TSPAN11: variants seen among roughly 807,000 people sequenced by gnomAD.
TSPAN11 encodes the protein tetraspanin 11.
Under a neutral mutation model 32.9 loss-of-function variants are expected in TSPAN11, and 29 were observed. That is an observed-to-expected ratio of 0.88 (90% CI 0.66 to 1.20). The LOEUF (loss-of-function observed/expected upper bound fraction) is 1.20, where lower values mean the gene tolerates loss of function less well. TSPAN11 is among the 50% of genes most tolerant of loss of function. The probability of loss-of-function intolerance (pLI) is 0.00; values close to 1 mark genes in which losing one functional copy is unlikely to be tolerated. For missense variants in TSPAN11, 283 were observed against 329.1 expected (o/e 0.86, Z 1.08); for synonymous variants, 140 against 141.3 (o/e 0.99, Z 0.07).
chr12:30,928,087 A>G (rs1937839650), intron 1 of TSPAN11, among the ~76,000 whole-genome samples: 1 of 152,184 alleles, frequency 6.6e-6, no homozygotes, highest in Admixed American at 6.5e-5. Context: ...TATATTCAGC[A>G]TAGCAGGAAT....
At chr12:30,968,595 C>T (rs1355153061) in intron 3 of TSPAN11, among the ~76,000 whole-genome samples, 2 of 152,134 alleles carry the variant, frequency 1.3e-5, no homozygotes, top group Non-Finnish European at 2.9e-5. Context: ...AGAACAGAGG[C>T]CACCTAGATC....
downstream of TSPAN11, among the ~76,000 whole-genome samples, chr12:31,000,472 T>C (rs937523938): frequency 2.0e-5 from 3 of 152,252 alleles, no homozygotes; most frequent in African/African-American, 7.2e-5. Context: ...GACGCCTCTA[T>C]ACGCATGCTT....
At chr12:30,991,306 C>T (rs1939308229) in intron 7 of TSPAN11, among the ~76,000 whole-genome samples, 1 of 152,214 alleles carries the variant, frequency 6.6e-6, no homozygotes, top group African/African-American at 2.4e-5. Flanking sequence ...TCCCCCATGG[C>T]TCCTGTACAC....
intron 3 of TSPAN11, among the ~76,000 whole-genome samples, chr12:30,966,651 G>A (rs1164411301): frequency 6.6e-6 from 1 of 152,248 alleles, no homozygotes; most frequent in Non-Finnish European, 1.5e-5. Flanking sequence ...CAAGCCTGAT[G>A]GGAGGCAGAG....
the TSPAN11 span, among the ~76,000 whole-genome samples, chr12:31,013,248 G>A: frequency 6.6e-6 from 1 of 152,128 alleles, no homozygotes; most frequent in Non-Finnish European, 1.5e-5. Flanking sequence ...GTCAGGAAAA[G>A]CCTCTTAGCA....
chr12:30,941,815 A>C (rs1938170602), intron 1 of TSPAN11, among the ~76,000 whole-genome samples: 1 of 152,220 alleles, frequency 6.6e-6, no homozygotes, highest in African/African-American at 2.4e-5. Context: ...CAACCCCACC[A>C]AGGGTTCTCC....
At position 30,983,135 on chromosome 12, in the gene TSPAN11, G is replaced by A. The variant is rs1939129751; in HGVS notation, c.687G>A (p.Gly229=). 6.2e-7 allele frequency: 1 copy of A among 1,612,674 alleles called. No individual in the cohort carries two copies. The highest frequency in any genetic ancestry group is 8.5e-7 in the Non-Finnish European group (1 of 1,179,798). ...HLLLMGAVGI[G]VACLQICGMV... ...TGCTTATGGGGGCAGTGGGCATCGG[G>A]GTGGCCTGCCTGCAGGTGAGTTGCA... Residue 229 remains glycine (G), a synonymous_variant, in exon 7 of 8, where the codon GGG becomes GGA. Coordinates refer to ENST00000546076, the MANE Select transcript of TSPAN11 (RefSeq NM_001370302.1).
At chr12:30,998,166 T>C (rs1434829622), downstream of TSPAN11, among the ~76,000 whole-genome samples, 5 of 152,250 alleles carry the variant, frequency 3.3e-5, no homozygotes, top group Non-Finnish European at 4.4e-5. Flanking sequence ...CTCCAGGCCC[T>C]TTCCTGCTGC....
At chr12:31,008,629 T>C in the TSPAN11 span, among the ~76,000 whole-genome samples, 1 of 152,226 alleles carries the variant, frequency 6.6e-6, no homozygotes, top group East Asian at 1.9e-4. Flanking sequence ...AGCATCTGGC[T>C]AGACAGGCTC....
chr12:30,959,477 A>AAGGCTT (rs1938565411), intron 2 of TSPAN11, among the ~76,000 whole-genome samples: 2 of 152,002 alleles, frequency 1.3e-5, no homozygotes, highest in South Asian at 4.2e-4. Flanking sequence ...CAGTAAACAG[A>AAGGCTT]AGGCTTGGAC....
intron 1 of TSPAN11, among the ~76,000 whole-genome samples, chr12:30,932,370 A>G (rs1405830186): frequency 1.3e-5 from 2 of 152,192 alleles, no homozygotes; most frequent in Admixed American, 1.3e-4. Flanking sequence ...AGAATCACCA[A>G]ACTACACAAT....
intron 7 of TSPAN11, among the ~76,000 whole-genome samples, chr12:30,989,172 G>GGTAA (rs1156565388): frequency 1.3e-5 from 2 of 152,224 alleles, no homozygotes; most frequent in Non-Finnish European, 2.9e-5. Flanking sequence ...GAAGGGGACA[G>GGTAA]GTAAGTGTAT....
At position 30,982,607 on chromosome 12, in the gene TSPAN11, C is replaced by T. The variant is rs780336330; in HGVS notation, c.532C>T (p.Arg178Cys). 30 of 1,612,646 alleles carry T rather than the reference C, an allele frequency of 1.9e-5. No individual in the cohort carries two copies. Among genetic ancestry groups the T allele is most frequent in the Non-Finnish European group, 2.2e-5 (26 of 1,179,758 alleles). Residue 178 changes from arginine to cysteine, a missense_variant, in exon 6 of 8, where the codon CGC becomes TGC. Transcript: ENST00000546076. ...TYILLREAEG[R>C]QVPDSCCKTV... Reference sequence around the variant, plus strand: ...CATCCTGTTGCGGGAGGCCGAGGGCCGCCAGGTGCCCGACAGCTGCTGCAA... The same window carrying T: ...CATCCTGTTGCGGGAGGCCGAGGGCTGCCAGGTGCCCGACAGCTGCTGCAA...
intron 1 of TSPAN11, among the ~76,000 whole-genome samples, chr12:30,927,444 G>A (rs1298861664): frequency 6.6e-6 from 1 of 152,256 alleles, no homozygotes; most frequent in Non-Finnish European, 1.5e-5. Context: ...GCACATGTGT[G>A]AATTGGTGGA....
chr12:30,931,998 T>C (rs1469857315), intron 1 of TSPAN11, among the ~76,000 whole-genome samples: 1 of 151,158 alleles, frequency 6.6e-6, no homozygotes, highest in Admixed American at 6.6e-5. Flanking sequence ...ATTCAATAAA[T>C]GTTCATTGAA....
downstream of TSPAN11, among the ~76,000 whole-genome samples, chr12:31,001,307 C>A (rs1592505333): frequency 6.6e-6 from 1 of 152,212 alleles, no homozygotes; most frequent in East Asian, 1.9e-4. Flanking sequence ...CCACTCCTTG[C>A]CAGGTTAACT....
chr12:30,949,716 C>T (rs1361337760), intron 1 of TSPAN11, among the ~76,000 whole-genome samples: 1 of 152,154 alleles, frequency 6.6e-6, no homozygotes, highest in Non-Finnish European at 1.5e-5. Flanking sequence ...TGCTTCCCTC[C>T]TGGCCTTGTC....
At chr12:30,972,668 A>G (rs1185150558) in intron 3 of TSPAN11, among the ~76,000 whole-genome samples, 2 of 152,086 alleles carry the variant, frequency 1.3e-5, no homozygotes, top group Non-Finnish European at 2.9e-5. Flanking sequence ...GAATAAAGTG[A>G]AGGGCAGAGG....
chr12:30,974,067 C>T (rs984405872), intron 3 of TSPAN11, among the ~76,000 whole-genome samples: 17 of 152,262 alleles, frequency 1.1e-4, no homozygotes, highest in African/African-American at 2.7e-4. Flanking sequence ...CCTGATCCTT[C>T]CTTTTGTCAA....
Sources: allele counts gnomAD v4.1 joint callset (sites outside exome capture counted in the v4.1 genomes callset), GRCh38; gene constraint gnomAD v4.1.1; transcripts MANE v1.5; gene names NCBI Gene and HGNC (gene_info 2026-07-23, HGNC 2026-07-21).